Variants in SNX29 observed in about 807,000 individuals in gnomAD.
SNX29 encodes sorting nexin 29.
SNX29 carries 78 observed loss-of-function variants against 102.1 expected under a neutral mutation model. The observed-to-expected ratio is 0.76, with a 90% CI of 0.64 to 0.92. SNX29 has a LOEUF of 0.92. Among genes scored for constraint, SNX29 ranks in the 40% least tolerant of loss-of-function variants. The probability of loss-of-function intolerance (pLI) is 0.00; values close to 1 mark genes in which losing one functional copy is unlikely to be tolerated. For missense variants in SNX29, 1,280 were observed against 1,061.7 expected (o/e 1.21, Z -2.86); for synonymous variants, 580 against 414.5 (o/e 1.40, Z -4.85).
intron 19 of SNX29, among the ~76,000 whole-genome samples, chr16:12,515,798 C>T (rs1457439906): frequency 6.6e-6 from 1 of 152,230 alleles, no homozygotes; most frequent in East Asian, 1.9e-4. Context: ...AGGCATGCGG[C>T]AGATAGTCAC....
chr16:12,423,789 C>T (rs1265226798), intron 18 of SNX29, among the ~76,000 whole-genome samples: 1 of 152,188 alleles, frequency 6.6e-6, no homozygotes, highest in Non-Finnish European at 1.5e-5. Context: ...CCAGGCTGGT[C>T]TTGAATTCCT....
intron 13 of SNX29, among the ~76,000 whole-genome samples, chr16:12,148,856 C>T (rs936701496): frequency 6.6e-6 from 1 of 152,082 alleles, no homozygotes; most frequent in African/African-American, 2.4e-5. Context: ...TGGCACCATG[C>T]TCAGCTAATT....
chr16:12,458,321 C>G (rs1179233733), intron 18 of SNX29, among the ~76,000 whole-genome samples: 1 of 152,078 alleles, frequency 6.6e-6, no homozygotes, highest in African/African-American at 2.4e-5. Context: ...GGGGACAGGT[C>G]TCCATAACAC....
At chr16:12,043,476 T>A (rs11859105) in intron 5 of SNX29, among the ~76,000 whole-genome samples, 57,687 of 151,582 alleles carry the variant, frequency 0.38, 11,504 homozygotes, top group Middle Eastern at 0.45. Flanking sequence ...CACCTTAGCC[T>A]CCTGAGCAGC....
At chr16:12,494,034 T>C (rs959114612) in intron 19 of SNX29, among the ~76,000 whole-genome samples, 1 of 152,226 alleles carries the variant, frequency 6.6e-6, no homozygotes, top group African/African-American at 2.4e-5. Context: ...ATTTTTCTTA[T>C]TTGTTTCTAG....
At chr16:12,154,333 C>G (rs1038789322) in intron 13 of SNX29, among the ~76,000 whole-genome samples, 4 of 145,150 alleles carry the variant, frequency 2.8e-5, no homozygotes, top group African/African-American at 7.6e-5. Flanking sequence ...GGCAGGCTGT[C>G]CCCCGTTCTG....
intron 15 of SNX29, among the ~76,000 whole-genome samples, chr16:12,332,371 A>G (rs114935886): frequency 6.6e-6 from 1 of 152,282 alleles, no homozygotes; most frequent in African/African-American, 2.4e-5. Context: ...TTCTGAGCAA[A>G]TTAACTTTGG....
chr16:12,347,051 C>G (rs562068317), intron 15 of SNX29, among the ~76,000 whole-genome samples: 2 of 152,198 alleles, frequency 1.3e-5, no homozygotes, highest in South Asian at 4.1e-4. Flanking sequence ...CCTCTTTAAA[C>G]TGTAATCCCA....
rs576401266 is a variant in SNX29, at chr16:12,570,943, A to G, written c.*2314A>G. The stretch of plus-strand genomic sequence containing the variant: ...ATGAGAGCATGTTCCTGGGAGCCAC[A>G]TGGGGACCATCCCCAGCTGCCTGCT... On this transcript the variant is annotated 3_prime_UTR_variant, in exon 21 of 21. Coordinates refer to ENST00000566228, the MANE Select transcript of SNX29 (RefSeq NM_032167.5). The G allele has an allele frequency of 4.9e-4, 114 of 231,722 alleles. 1 individual carries two copies. Among genetic ancestry groups the G allele is most frequent in the African/African-American group, 2.3e-3 (103 of 45,364 alleles). 14.4% of individuals were successfully genotyped at this position (231,722 alleles called of 1,614,324 possible). A position where few individuals can be genotyped will look rare whatever the true frequency, so the allele number is the denominator to read the frequency against.
intron 13 of SNX29, among the ~76,000 whole-genome samples, chr16:12,187,657 C>G (rs1294660819): frequency 2.6e-5 from 4 of 151,952 alleles, no homozygotes; most frequent in Non-Finnish European, 5.9e-5. Flanking sequence ...ATAGTAGTTT[C>G]TCTTGCCTGT....
chr16:12,406,245 G>A (rs568293990), intron 18 of SNX29, among the ~76,000 whole-genome samples: 1 of 152,358 alleles, frequency 6.6e-6, no homozygotes, highest in East Asian at 1.9e-4. Flanking sequence ...TGAATTTCCT[G>A]TGGGCTTCCT....
At chr16:12,342,299 C>A (rs989177831) in intron 15 of SNX29, among the ~76,000 whole-genome samples, 1 of 152,142 alleles carries the variant, frequency 6.6e-6, no homozygotes, top group African/African-American at 2.4e-5. Context: ...GTATGCTTGG[C>A]ATTTTAACAT....
intron 13 of SNX29, among the ~76,000 whole-genome samples, chr16:12,190,404 G>T (rs928090295): frequency 6.6e-6 from 1 of 152,292 alleles, no homozygotes; most frequent in African/African-American, 2.4e-5. Context: ...CAGGCCAGGG[G>T]TATTAAAGTA....
At chr16:12,249,993 A>C (rs1897046524) in intron 14 of SNX29, among the ~76,000 whole-genome samples, 1 of 152,154 alleles carries the variant, frequency 6.6e-6, no homozygotes, top group South Asian at 2.1e-4. Flanking sequence ...CAGGTCAAGG[A>C]GCAATCTCAA....
At chr16:12,542,546 G>A (rs554998252) in intron 20 of SNX29, among the ~76,000 whole-genome samples, 6 of 152,180 alleles carry the variant, frequency 3.9e-5, no homozygotes, top group Admixed American at 3.3e-4. Flanking sequence ...TGGCCAGGCT[G>A]ATCTTGAACT....
chr16:12,031,825 G>A lies in SNX29; in HGVS notation c.247+4381G>A, dbSNP rs112228828. ...ATCTCAAAACAAAACAAAGCAAAAC[G>A]AACAAAAAAAAAATTGGTAAAATAT... On this transcript the variant is annotated intron_variant, in intron 4 of 20. Coordinates refer to ENST00000566228, the MANE Select transcript of SNX29 (RefSeq NM_032167.5). Among the ~76,000 whole-genome samples the A allele has an allele frequency of 2.9e-3, 348 of 118,266 alleles. 1 individual carries two copies. Among genetic ancestry groups the A allele is most frequent in the African/African-American group, 0.01 (336 of 32,796 alleles). The allele number at this position is 118,266 out of a possible 152,430, so 77.6% of individuals were successfully genotyped here.
intron 14 of SNX29, among the ~76,000 whole-genome samples, chr16:12,247,337 C>G (rs965478647): frequency 1.3e-5 from 2 of 152,184 alleles, no homozygotes; most frequent in Non-Finnish European, 2.9e-5. Context: ...CGACAAAACT[C>G]TATTATCAGG....
intron 11 of SNX29, chr16:12,088,087 T>C (rs1395232798): frequency 2.2e-6 from 1 of 456,572 alleles, no homozygotes; most frequent in Non-Finnish European, 4.4e-6. Flanking sequence ...GGATGGGTGC[T>C]CTCCACACAG....
rs375902596 is a variant in SNX29, at chr16:12,157,844, T to C, written c.1595+28086T>C. The stretch of plus-strand genomic sequence containing the variant: ...CCCTTTGTGCCTCTGGGCCTTTGCA[T>C]GTGCTTGTCTCCGTCTGCCCGAGGG... On this transcript the variant is annotated intron_variant, in intron 13 of 20. Coordinates refer to ENST00000566228, the MANE Select transcript of SNX29 (RefSeq NM_032167.5). Among the ~76,000 whole-genome samples, 17 of 152,318 alleles carry C rather than the reference T, an allele frequency of 1.1e-4. No individual in the cohort carries two copies. The East Asian group carries it at 2.7e-3, about 24-fold the overall frequency.
Sources: gnomAD v4.1 joint callset for allele counts (sites outside exome capture counted in the v4.1 genomes callset) on GRCh38, gnomAD v4.1.1 for gene constraint, MANE v1.5 for transcripts, NCBI Gene and HGNC (gene_info 2026-07-23, HGNC 2026-07-21) for gene names.